The following PRKN variants were observed in gnomAD, a reference collection of about 807,000 sequenced individuals.
The protein encoded by PRKN is E3 ubiquitin-protein ligase parkin.
Under a neutral mutation model 59.5 loss-of-function variants are expected in PRKN, and 56 were observed. The ratio of observed to expected loss-of-function variants is 0.94; its 90% CI spans 0.76 to 1.18. The LOEUF (loss-of-function observed/expected upper bound fraction) is 1.18. PRKN is among the 50% of genes most tolerant of loss of function. The pLI, the probability that PRKN is intolerant of heterozygous loss-of-function variation, is 0.00. For synonymous variants in PRKN, 250 were observed against 222.1 expected (o/e 1.13, Z -1.12); for missense variants, 657 against 596.4 (o/e 1.10, Z -1.06).
intron 4 of PRKN, among the ~76,000 whole-genome samples, chr6:162,077,009 CATG>C (rs1194346027): frequency 1.3e-5 from 2 of 152,060 alleles, no homozygotes; most frequent in African/African-American, 2.4e-5. Flanking sequence ...ACACTCTCTG[CATG>C]ATGAGTGTGT....
intron 1 of PRKN, among the ~76,000 whole-genome samples, chr6:162,502,615 T>A (rs756535766): frequency 6.6e-6 from 1 of 152,192 alleles, no homozygotes; most frequent in Non-Finnish European, 1.5e-5. Context: ...GCTCATTTCT[T>A]ATCATTAATA....
intron 1 of PRKN, among the ~76,000 whole-genome samples, chr6:162,720,929 A>T (rs1052664487): frequency 6.6e-6 from 1 of 152,238 alleles, no homozygotes; most frequent in Admixed American, 6.5e-5. Flanking sequence ...TCAAAGAAGG[A>T]GATACAAACT....
chr6:161,763,470 T>C lies in PRKN; in HGVS notation c.871+22302A>G, dbSNP rs867336270. ...CTGTTCCTGTCAACCAGATGAGCCT[T>C]AGTGCAGAGGGGAACATCTTGCAGG... is the stretch of plus-strand genomic sequence containing the variant. On this transcript the variant is annotated intron_variant, in intron 7 of 11. Coordinates refer to ENST00000366898, the MANE Select transcript of PRKN (RefSeq NM_004562.3). Among the ~76,000 whole-genome samples the C allele has an allele frequency of 6.6e-5, 10 of 152,134 alleles. No individual in the cohort carries two copies. In the Middle Eastern group the frequency reaches 0.01, roughly 155 times the overall value.
chr6:162,331,889 C>A (rs1236538932), intron 2 of PRKN, among the ~76,000 whole-genome samples: 1 of 152,174 alleles, frequency 6.6e-6, no homozygotes, highest in East Asian at 1.9e-4. Flanking sequence ...CTTCCTCCAC[C>A]ATTTTTGAGA....
At chr6:162,594,565 CA>C in intron 1 of PRKN, among the ~76,000 whole-genome samples, 1 of 152,074 alleles carries the variant, frequency 6.6e-6, no homozygotes, top group African/African-American at 2.4e-5. Flanking sequence ...ATTTCTGCAA[CA>C]AAAAAATATG....
At position 161,404,661 on chromosome 6, in the gene PRKN, T is replaced by C. The variant is rs759302790; in HGVS notation, c.1084-17784A>G. Among the ~76,000 whole-genome samples, 67 of 152,218 alleles carry C rather than the reference T, an allele frequency of 4.4e-4. 1 individual carries two copies. The highest frequency in any genetic ancestry group is 1.6e-3 in the Admixed American group (24 of 15,286). ...GTAAGAATTCATTTCTATGGCTCTG[T>C]GTTCAGAAAGACTTTTCTGCAGGAA... is the stretch of plus-strand genomic sequence containing the variant. On this transcript the variant is annotated intron_variant, in intron 9 of 11. Transcript: ENST00000366898.
chr6:162,142,100 C>G (rs532080551), intron 4 of PRKN, among the ~76,000 whole-genome samples: 1 of 151,914 alleles, frequency 6.6e-6, no homozygotes, highest in Non-Finnish European at 1.5e-5. Context: ...AACTCAGATA[C>G]GAAACTGCAA....
chr6:162,104,278 C>T (rs148498949), intron 4 of PRKN, among the ~76,000 whole-genome samples: 81 of 152,314 alleles, frequency 5.3e-4, no homozygotes, highest in African/African-American at 1.7e-3. Context: ...AGCCTCCTGA[C>T]GCCTGAACAC....
intron 1 of PRKN, among the ~76,000 whole-genome samples, chr6:162,614,382 T>C (rs1782317493): frequency 6.6e-6 from 1 of 152,186 alleles, no homozygotes; most frequent in African/African-American, 2.4e-5. Flanking sequence ...TACATGCCAT[T>C]TTAGTGTCTC....
intron 7 of PRKN, among the ~76,000 whole-genome samples, chr6:161,679,741 C>CTCT (rs1785239788): frequency 8.5e-5 from 2 of 23,484 alleles, no homozygotes; most frequent in African/African-American, 4.0e-4. Context: ...TCAGAGCCAG[C>CTCT]TTTTTTTTTT....
intron 2 of PRKN, among the ~76,000 whole-genome samples, chr6:162,370,849 A>G (rs913490511): frequency 2.0e-5 from 3 of 152,176 alleles, no homozygotes; most frequent in African/African-American, 7.2e-5. Context: ...GTGTCTGGAA[A>G]AAGAGTTTAG....
chr6:162,054,918 T>C lies in PRKN; in HGVS notation c.535-744A>G, dbSNP rs144230405. ...GGCTCATTCCTATAATCCCAGCACT[T>C]TGGGAGGTTGAAGGGGGCGGATCAC... On this transcript the variant is annotated intron_variant, in intron 4 of 11. Coordinates refer to ENST00000366898, the MANE Select transcript of PRKN (RefSeq NM_004562.3). Among the ~76,000 whole-genome samples, 484 of 152,178 alleles carry C rather than the reference T, an allele frequency of 3.2e-3. 6 individuals carry two copies. The highest frequency in any genetic ancestry group is 0.017 in the Middle Eastern group (5 of 294).
chr6:161,351,386 G>A (rs1455113756), intron 11 of PRKN, among the ~76,000 whole-genome samples: 10 of 150,736 alleles, frequency 6.6e-5, no homozygotes, highest in South Asian at 2.1e-4. Context: ...GTGCAGTGGC[G>A]AGATCTTGGC....
intron 4 of PRKN, among the ~76,000 whole-genome samples, chr6:162,185,890 A>G (rs1784008997): frequency 6.6e-6 from 1 of 152,192 alleles, no homozygotes; most frequent in Non-Finnish European, 1.5e-5. Context: ...AGTAGTGTTA[A>G]AAATAATGAT....
intron 2 of PRKN, among the ~76,000 whole-genome samples, chr6:162,390,260 T>G (rs992406916): frequency 2.0e-5 from 3 of 151,666 alleles, no homozygotes; most frequent in African/African-American, 7.3e-5. Context: ...TGAAAAATAA[T>G]AATAATCAGT....
chr6:161,635,920 A>T (rs948814721), intron 7 of PRKN, among the ~76,000 whole-genome samples: 3 of 152,142 alleles, frequency 2.0e-5, no homozygotes, highest in Non-Finnish European at 4.4e-5. Flanking sequence ...GCAGGAGGGG[A>T]AGTGCTTGTA....
chr6:162,091,171 G>C (rs971343855), intron 4 of PRKN, among the ~76,000 whole-genome samples: 1 of 149,638 alleles, frequency 6.7e-6, no homozygotes, highest in Admixed American at 6.7e-5. Context: ...ATTTTTTAAA[G>C]TTATGGGCAG....
intron 7 of PRKN, among the ~76,000 whole-genome samples, chr6:161,670,190 C>T (rs898495815): frequency 2.0e-5 from 3 of 152,078 alleles, no homozygotes; most frequent in South Asian, 2.1e-4. Context: ...ATCCTCTGTG[C>T]GCTTCCCAGA....
At chr6:161,635,376 G>A (rs1000449165) in intron 7 of PRKN, among the ~76,000 whole-genome samples, 14 of 152,082 alleles carry the variant, frequency 9.2e-5, no homozygotes, top group African/African-American at 2.9e-4. Flanking sequence ...AGAACATCTG[G>A]TCTTATAAAA....
Sources: gnomAD v4.1 joint callset for allele counts (sites outside exome capture counted in the v4.1 genomes callset) on GRCh38, gnomAD v4.1.1 for gene constraint, MANE v1.5 for transcripts, NCBI Gene and HGNC (gene_info 2026-07-23, HGNC 2026-07-21) for gene names.